Variants in HNF4A observed in about 807,000 individuals in gnomAD.
HNF4A encodes hepatocyte nuclear factor 4 alpha.
A neutral mutation model predicts 52.4 loss-of-function variants in HNF4A; 15 were observed. That is an observed-to-expected ratio of 0.29 (90% CI 0.19 to 0.44). The LOEUF (loss-of-function observed/expected upper bound fraction) is 0.44. Among genes scored for constraint, HNF4A ranks in the 20% least tolerant of loss-of-function variants. The pLI is 1.00. For missense variants in HNF4A, 479 were observed against 647.2 expected (o/e 0.74, Z 2.82); for synonymous variants, 280 against 264.4 (o/e 1.06, Z -0.57).
Position 44,413,817 on chromosome 20 carries a change from G to A in HNF4A, c.492+17G>A, listed in dbSNP as rs1165553338. ...TCCCGACAGGTACCGGGGTGATCCT[G>A]CCACCCACCCAGGGATCCCCCACAC... is the stretch of plus-strand genomic sequence containing the variant. On this transcript the variant is annotated intron_variant, in intron 4 of 9. Coordinates refer to ENST00000316099, the MANE Select transcript of HNF4A (RefSeq NM_000457.6). The A allele has an allele frequency of 2.6e-6, 4 of 1,543,920 alleles. No individual in the cohort carries two copies. The East Asian group carries it at 6.8e-5, about 26-fold the overall frequency.
chr20:44,400,321 G>A (rs148023441), upstream of HNF4A, among the ~76,000 whole-genome samples: 1 of 151,172 alleles, frequency 6.6e-6, no homozygotes, highest in Admixed American at 6.7e-5. Context: ...GGATGGCAAG[G>A]GGGATACGAA....
chr20:44,400,597 G>A (rs993337579), upstream of HNF4A, among the ~76,000 whole-genome samples: 5 of 152,158 alleles, frequency 3.3e-5, no homozygotes, highest in Non-Finnish European at 4.4e-5. Flanking sequence ...GGGAAAATCC[G>A]AGATGGAGCC....
intron 1 of HNF4A, among the ~76,000 whole-genome samples, chr20:44,382,262 C>T (rs771154820): frequency 1.9e-4 from 28 of 145,152 alleles, no homozygotes; most frequent in Non-Finnish European, 3.1e-4. Context: ...TTTTTTGAGA[C>T]GAACTCTCGC....
chr20:44,364,474 T>C (rs12480772), intron 1 of HNF4A, among the ~76,000 whole-genome samples: 30,676 of 151,968 alleles, frequency 0.2, 3,773 homozygotes, highest in East Asian at 0.44. Context: ...CAATTTTTTT[T>C]TTATTTTTTT....
chr20:44,424,731 C>CT (rs762149797), intron 8 of HNF4A: 2 of 536,378 alleles, frequency 3.7e-6, no homozygotes, highest in Non-Finnish European at 5.6e-6. Context: ...ACCCTAACGG[C>CT]TGAAAGGAAA....
At chr20:44,400,559 G>C (rs980865578), upstream of HNF4A, among the ~76,000 whole-genome samples, 3 of 152,116 alleles carry the variant, frequency 2.0e-5, no homozygotes, top group African/African-American at 7.2e-5. Context: ...GGGAGGGGGT[G>C]GGGGTGAGGG....
At chr20:44,416,541 C>T (rs750139460) in intron 5 of HNF4A, among the ~76,000 whole-genome samples, 1 of 152,256 alleles carries the variant, frequency 6.6e-6, no homozygotes, top group South Asian at 2.1e-4. Context: ...TCAGCATCCT[C>T]GGCCTCCCTC....
intron 8 of HNF4A, among the ~76,000 whole-genome samples, chr20:44,427,273 G>T (rs1407858090): frequency 1.3e-5 from 2 of 152,176 alleles, no homozygotes; most frequent in Non-Finnish European, 2.9e-5. Flanking sequence ...TATGAATCAG[G>T]TGTCATTGAG....
chr20:44,417,737 C>T (rs1001794753), intron 5 of HNF4A, among the ~76,000 whole-genome samples: 6 of 152,076 alleles, frequency 3.9e-5, no homozygotes, highest in African/African-American at 1.4e-4. Flanking sequence ...CTTTGGGAGG[C>T]TGAGTTGGGC....
At chr20:44,421,775 ATATATATATAATATATAT>A (rs911063478) in intron 7 of HNF4A, among the ~76,000 whole-genome samples, 5 of 146,566 alleles carry the variant, frequency 3.4e-5, no homozygotes, top group African/African-American at 1.2e-4. Flanking sequence ...ATATATGTGT[ATATATATATAATATATAT>A]TATATATATA....
chr20:44,386,426 C>T (rs1411879664), intron 1 of HNF4A, among the ~76,000 whole-genome samples: 1 of 152,154 alleles, frequency 6.6e-6, no homozygotes, highest in Admixed American at 6.5e-5. Context: ...CTCAGCCTCC[C>T]GAAGTGCTGG....
intron 1 of HNF4A, among the ~76,000 whole-genome samples, chr20:44,356,272 C>T (rs373425847): frequency 6.6e-6 from 1 of 152,116 alleles, no homozygotes; most frequent in Non-Finnish European, 1.5e-5. Context: ...GGCGTGGGAC[C>T]GGGCAGCTCG....
At chr20:44,364,722 C>A (rs1371362240) in intron 1 of HNF4A, among the ~76,000 whole-genome samples, 1 of 152,204 alleles carries the variant, frequency 6.6e-6, no homozygotes, top group African/African-American at 2.4e-5. Flanking sequence ...CCTGCCCCGA[C>A]CTCCCAAAGT....
At chr20:44,433,798 G>C (rs1391296795), downstream of HNF4A, 2 of 152,386 alleles carry the variant, frequency 1.3e-5, no homozygotes, top group East Asian at 1.9e-4. Context: ...GGGTGGCCTT[G>C]TGTCTCGGTC....
At position 44,414,378 on chromosome 20, in the gene HNF4A, G is replaced by A. The variant is rs1812918507; in HGVS notation, c.493-129G>A. 202 of 1,340,714 alleles carry A rather than the reference G, an allele frequency of 1.5e-4. 2 individuals are homozygous for A. The South Asian group carries it at 2.2e-3, about 15-fold the overall frequency. 83.1% of individuals were successfully genotyped at this position (1,340,714 alleles called of 1,614,324 possible). ...CCGTTTTTACCCTGAGCTTCCTTCA[G>A]AGCTGGAGGGCACCCACTATCCAGC... On this transcript the variant is annotated intron_variant, in intron 4 of 9. Coordinates refer to ENST00000316099, the MANE Select transcript of HNF4A (RefSeq NM_000457.6).
intron 6 of HNF4A, 40 bp downstream of exon 6, chr20:44,418,552 G>GT: frequency 3.4e-6 from 5 of 1,480,932 alleles, no homozygotes; most frequent in Non-Finnish European, 3.8e-6. Flanking sequence ...TCCAGGGAGG[G>GT]TATGCCTAGC....
At chr20:44,401,552 A>T (rs2063410016) in intron 1 of HNF4A, 3 of 1,589,184 alleles carry the variant, frequency 1.9e-6, no homozygotes, top group Non-Finnish European at 2.6e-6. Flanking sequence ...CCAGGAGCAG[A>T]TCTTTGGCAC....
chr20:44,411,089 G>GC (rs1291306782), intron 3 of HNF4A, among the ~76,000 whole-genome samples: 4 of 152,198 alleles, frequency 2.6e-5, no homozygotes, highest in African/African-American at 9.6e-5. Flanking sequence ...CTTGGCCTAA[G>GC]CTGTCAGGCC....
chr20:44,414,606 C>T lies in HNF4A; in HGVS notation c.592C>T (p.Leu198Phe). The stretch of plus-strand genomic sequence containing the variant: ...GTCCATGAAGGAGCAGCTGCTGGTT[C>T]TCGTTGAGTGGGCCAAGTACATCCC... The change falls in exon 5 of 10, where the codon CTC becomes TTC. Residue 198 changes from leucine to phenylalanine, a missense_variant. By Grantham distance (22) the Leu-to-Phe change is conservative. Coordinates refer to ENST00000316099, the MANE Select transcript of HNF4A (RefSeq NM_000457.6). 6.2e-7 allele frequency: 1 copy of T among 1,614,090 alleles called. No individual in the cohort carries two copies. Among genetic ancestry groups the T allele is most frequent in the Non-Finnish European group, 8.5e-7 (1 of 1,179,978 alleles).
Sources: gnomAD v4.1 joint callset for allele counts (sites outside exome capture counted in the v4.1 genomes callset) on GRCh38, gnomAD v4.1.1 for gene constraint, MANE v1.5 for transcripts, NCBI Gene and HGNC (gene_info 2026-07-23, HGNC 2026-07-21) for gene names.